The following PPFIA2 variants were observed in gnomAD, a reference collection of about 807,000 sequenced individuals.
PPFIA2 encodes PPFI scaffold protein A2.
Under a neutral mutation model 175.5 loss-of-function variants are expected in PPFIA2, and 46 were observed. The ratio of observed to expected loss-of-function variants is 0.26; its 90% CI spans 0.21 to 0.34. PPFIA2 has a LOEUF of 0.34. Ranked by LOEUF, PPFIA2 falls within the 10% of genes least tolerant of loss-of-function variation. The pLI is 1.00. For missense variants in PPFIA2, 1,179 were observed against 1,506.1 expected, an observed-to-expected ratio of 0.78 and a Z score of 3.60; for synonymous variants, 568 against 511.4, an observed-to-expected ratio of 1.11 and a Z score of -1.49.
At chr12:81,646,311 G>T (rs533838007) in intron 4 of PPFIA2, among the ~76,000 whole-genome samples, 1 of 152,272 alleles carries the variant, frequency 6.6e-6, no homozygotes, top group Admixed American at 6.5e-5. Flanking sequence ...AGGAGGGCTA[G>T]AAAACTTGAT....
intron 22 of PPFIA2, among the ~76,000 whole-genome samples, chr12:81,304,303 G>T (rs1343157549): frequency 6.6e-6 from 1 of 152,094 alleles, no homozygotes; most frequent in Non-Finnish European, 1.5e-5. Context: ...TTGATTAGGG[G>T]GTCAGTCATC....
rs2060323174 is a variant in PPFIA2 at position 81,353,231 on chromosome 12, T to C, written c.1882A>G (p.Arg628Gly). ...TCCATTGAGCTAAAAATTGTTTCTC[T>C]GTCATCATCATCAATATCAGACATT... ...TEMSDIDDDD[R>G]ETIFSSMDLL... The change falls in exon 17 of 33, where the codon AGA (arginine) becomes GGA (glycine). Residue 628 changes from arginine (R) to glycine (G), a missense_variant. By Grantham distance (125) the Arg-to-Gly change is moderately radical. Transcript: ENST00000549396. 8 of 1,613,730 alleles carry C rather than the reference T, an allele frequency of 5.0e-6. No homozygotes were observed. In the East Asian group the frequency reaches 1.8e-4, roughly 36 times the overall value.
chr12:81,538,292 A>C (rs2065696317), intron 4 of PPFIA2, among the ~76,000 whole-genome samples: 1 of 151,922 alleles, frequency 6.6e-6, no homozygotes, highest in South Asian at 2.1e-4. Flanking sequence ...TATTAAAGAA[A>C]AGAAGTTGTA....
intron 4 of PPFIA2, among the ~76,000 whole-genome samples, chr12:81,561,464 G>C (rs1433633042): frequency 6.6e-6 from 1 of 152,074 alleles, no homozygotes; most frequent in East Asian, 1.9e-4. Flanking sequence ...GAATTAATGA[G>C]GTAAGTGTAG....
intron 4 of PPFIA2, among the ~76,000 whole-genome samples, chr12:81,582,399 A>G (rs531446150): frequency 3.3e-5 from 5 of 151,882 alleles, no homozygotes; most frequent in Non-Finnish European, 7.4e-5. Context: ...ATTTCTCTAT[A>G]TTTTTTGAAA....
At chr12:81,545,330 C>T (rs752242394) in intron 4 of PPFIA2, 1 of 152,130 alleles carries the variant, frequency 6.6e-6, no homozygotes, top group Non-Finnish European at 1.5e-5. Context: ...ACTTTATCAT[C>T]TTCTGATACC....
At chr12:81,357,822 G>A (rs887505010) in intron 16 of PPFIA2, among the ~76,000 whole-genome samples, 1 of 151,842 alleles carries the variant, frequency 6.6e-6, no homozygotes, top group Non-Finnish European at 1.5e-5. Flanking sequence ...GAGCCTCAGT[G>A]TTTTTATGTC....
At chr12:81,625,482 T>C (rs2062592086) in intron 4 of PPFIA2, among the ~76,000 whole-genome samples, 1 of 151,932 alleles carries the variant, frequency 6.6e-6, no homozygotes, top group African/African-American at 2.4e-5. Context: ...ACTAGGAATT[T>C]GATGGCATGA....
At chr12:81,267,841 T>A in intron 29 of PPFIA2, 71 bp downstream of exon 29, 1 of 1,423,142 alleles carries the variant, frequency 7.0e-7, no homozygotes, top group Admixed American at 2.4e-5. Context: ...CACAGCCAAT[T>A]TTTTTCTAAA....
intron 4 of PPFIA2, among the ~76,000 whole-genome samples, chr12:81,542,042 G>A (rs2066302450): frequency 6.6e-6 from 1 of 151,686 alleles, no homozygotes; most frequent in Non-Finnish European, 1.5e-5. Flanking sequence ...AAAAAAAAAT[G>A]TATCTGTTCT....
intron 4 of PPFIA2, among the ~76,000 whole-genome samples, chr12:81,553,645 G>A (rs547624734): frequency 1.3e-5 from 2 of 152,186 alleles, no homozygotes; most frequent in African/African-American, 2.4e-5. Context: ...GGAGCACTGA[G>A]CTGCTAGACA....
At chr12:81,534,355 T>C (rs1477349215) in intron 4 of PPFIA2, among the ~76,000 whole-genome samples, 1 of 151,706 alleles carries the variant, frequency 6.6e-6, no homozygotes, top group Non-Finnish European at 1.5e-5. Context: ...TCCCACCACA[T>C]AAAATTGAGA....
intron 7 of PPFIA2, chr12:81,417,190 T>G (rs2045442431): frequency 6.6e-6 from 1 of 151,770 alleles, no homozygotes; most frequent in African/African-American, 2.4e-5. Context: ...CATTCTGCTT[T>G]AATAATCCAA....
At chr12:81,644,833 C>T (rs1409583969) in intron 4 of PPFIA2, among the ~76,000 whole-genome samples, 1 of 152,052 alleles carries the variant, frequency 6.6e-6, no homozygotes. Flanking sequence ...AGTGAAAATG[C>T]ATTTATTACT....
rs188597091 is a variant in PPFIA2 at position 81,659,284 on chromosome 12, C to T, written c.303+17507G>A. ...GCGAGGCATCACCTCACCCGGGAAG[C>T]GCAAGGGGTCAAGGAATTCCCTTTC... On this transcript the variant is annotated intron_variant, in intron 4 of 32. Coordinates refer to ENST00000549396, the MANE Select transcript of PPFIA2 (RefSeq NM_003625.5). Among the ~76,000 whole-genome samples, 32 of 152,238 alleles carry T rather than the reference C, an allele frequency of 2.1e-4. No individual in the cohort carries two copies. The South Asian group carries it at 2.7e-3, about 13-fold the overall frequency.
chr12:81,439,174 T>A (rs2049665027), intron 7 of PPFIA2, among the ~76,000 whole-genome samples: 1 of 149,994 alleles, frequency 6.7e-6, no homozygotes, highest in Non-Finnish European at 1.5e-5. Context: ...TCCCTCTCTC[T>A]CTCTCTCTCT....
chr12:81,621,539 AG>A (rs2062042482), intron 4 of PPFIA2, among the ~76,000 whole-genome samples: 1 of 152,192 alleles, frequency 6.6e-6, no homozygotes, highest in Non-Finnish European at 1.5e-5. Context: ...GCAGAGGGTT[AG>A]TTAGAGGGGA....
At chr12:81,487,800 T>G (rs560704513) in intron 4 of PPFIA2, among the ~76,000 whole-genome samples, 1 of 151,802 alleles carries the variant, frequency 6.6e-6, no homozygotes, top group Non-Finnish European at 1.5e-5. Flanking sequence ...CATTGTGATA[T>G]CTGAAAAAGC....
At chr12:81,315,762 C>T (rs1159954572) in intron 22 of PPFIA2, among the ~76,000 whole-genome samples, 2 of 151,608 alleles carry the variant, frequency 1.3e-5, no homozygotes, top group African/African-American at 4.8e-5. Flanking sequence ...TCAAGAACTG[C>T]TTAAAATTCC....
Sources: gnomAD v4.1 joint callset for allele counts (sites outside exome capture counted in the v4.1 genomes callset) on GRCh38, gnomAD v4.1.1 for gene constraint, MANE v1.5 for transcripts, NCBI Gene and HGNC (gene_info 2026-07-23, HGNC 2026-07-21) for gene names.